Variants in IGF2BP1 observed in about 807,000 individuals in gnomAD.
IGF2BP1 encodes insulin-like growth factor 2 mRNA-binding protein 1.
Under a neutral mutation model 74.9 loss-of-function variants are expected in IGF2BP1, and 11 were observed. The observed-to-expected ratio is 0.15, with a 90% CI of 0.09 to 0.24. The LOEUF is 0.24. Among genes scored for constraint, IGF2BP1 ranks in the 10% least tolerant of loss-of-function variants. The pLI is 1.00. For synonymous variants in IGF2BP1, 287 were observed against 281.8 expected, an observed-to-expected ratio of 1.02 and a Z score of -0.18; for missense variants, 440 against 757.4, an observed-to-expected ratio of 0.58 and a Z score of 4.92.
chr17:49,011,500 C>T (rs185907424), intron 2 of IGF2BP1, among the ~76,000 whole-genome samples: 69 of 152,296 alleles, frequency 4.5e-4, no homozygotes, highest in African/African-American at 1.6e-3. Flanking sequence ...TAAGGTCACA[C>T]CTTCAATAAG....
Position 49,046,256 on chromosome 17 carries a change from C to T in IGF2BP1, c.1528-4C>T. The stretch of plus-strand genomic sequence containing the variant: ...ACCCTGAGCTCCTCTCTGGCCACCC[C>T]CAGGTGAACGAGTTGCAGAATTTGA... On this transcript the variant is annotated splice_polypyrimidine_tract_variant and splice_region_variant and intron_variant, in intron 13 of 14. Coordinates refer to ENST00000290341, the MANE Select transcript of IGF2BP1 (RefSeq NM_006546.4). The T allele has an allele frequency of 6.2e-7, 1 of 1,613,118 alleles. No individual in the cohort carries two copies. The highest frequency in any genetic ancestry group is 8.5e-7 in the Non-Finnish European group (1 of 1,179,056).
intron 12 of IGF2BP1, 81 bp downstream of exon 12, chr17:49,045,146 G>C: frequency 8.1e-7 from 1 of 1,241,764 alleles, no homozygotes; most frequent in Non-Finnish European, 1.2e-6. Context: ...AAAAGGCTGG[G>C]TCAGTTTCCC....
chr17:48,997,676 A>C lies in IGF2BP1; in HGVS notation c.-70A>C. 6.5e-7 allele frequency: 1 copy of C among 1,538,502 alleles called. No homozygotes were observed. Among genetic ancestry groups the C allele is most frequent in the East Asian group, 2.3e-5 (1 of 44,148 alleles). ...CGCCGGCCTCTCCGCCTCTTGGCCT[A>C]GGAGGCTCGCCGCCCGCGCCCGCTC... On this transcript the variant is annotated 5_prime_UTR_variant, in exon 1 of 15. Coordinates refer to ENST00000290341, the MANE Select transcript of IGF2BP1 (RefSeq NM_006546.4). The surrounding 1 kb of genome is among the most constrained non-coding windows in gnomAD (Gnocchi z 4.8).
chr17:49,018,252 C>CCAGAAA (rs2041733587), intron 2 of IGF2BP1, among the ~76,000 whole-genome samples: 1 of 152,146 alleles, frequency 6.6e-6, no homozygotes, highest in Admixed American at 6.6e-5. Context: ...TGGACCCTTA[C>CCAGAAA]CAGAAACCAC....
Position 48,997,482 on chromosome 17 carries a change from G to A in IGF2BP1, c.-264G>A. 1 of 333,358 alleles carries A rather than the reference G, an allele frequency of 3.0e-6. No homozygotes were observed. Among genetic ancestry groups the A allele is most frequent in the Non-Finnish European group, 5.5e-6 (1 of 182,384 alleles). The allele number at this position is 333,358 out of a possible 1,614,324, so 20.7% of individuals were successfully genotyped here. ...AGCCCTCTCGGAGGGGTTTCGGACCGAAGGGAAGAAGCTGCGCCGTGTCGT... is the reference window on the plus strand; with the variant it reads ...AGCCCTCTCGGAGGGGTTTCGGACCAAAGGGAAGAAGCTGCGCCGTGTCGT... On this transcript the variant is annotated 5_prime_UTR_variant, in exon 1 of 15. Transcript: ENST00000290341. The surrounding 1 kb of genome is among the most constrained non-coding windows in gnomAD (Gnocchi z 4.8).
At position 49,052,672 on chromosome 17, in the gene IGF2BP1, C is replaced by T. The variant is rs931207377; in HGVS notation, c.*3228C>T. 2 of 152,546 alleles carry T rather than the reference C, an allele frequency of 1.3e-5. No homozygotes were observed. Among genetic ancestry groups the T allele is most frequent in the South Asian group, 2.1e-4 (1 of 4,812 alleles). The allele number at this position is 152,546 out of a possible 1,614,324, so 9.4% of individuals were successfully genotyped here. ...TGGTGGGCCGGGCCCTCTTGTGCCC[C>T]GTAGGCTAGGTCTTAGGGCAACTCC... is the stretch of plus-strand genomic sequence containing the variant. On this transcript the variant is annotated 3_prime_UTR_variant, in exon 15 of 15. Coordinates refer to ENST00000290341, the MANE Select transcript of IGF2BP1 (RefSeq NM_006546.4).
At chr17:49,049,312 G>A (rs1351824723) in intron 14 of IGF2BP1, 40 bp from the exon 15 acceptor site, 2 of 1,575,730 alleles carry the variant, frequency 1.3e-6, no homozygotes, top group Admixed American at 3.4e-5. Flanking sequence ...CTGTCTCCTT[G>A]GAGGTCTCAC....
chr17:49,043,665 G>C (rs2042077803), intron 10 of IGF2BP1, 115 bp downstream of exon 10: 9 of 1,263,216 alleles, frequency 7.1e-6, no homozygotes, highest in African/African-American at 1.5e-5. Context: ...GAGAGGGAAG[G>C]AAGGTCTCAG....
Position 48,999,196 on chromosome 17 carries a change from G to T in IGF2BP1, c.236+27G>T, listed in dbSNP as rs758271269. ...TAGGAAAGAGCTCTTTTCGGGGGGG[G>T]TGGGGGGGCCGCGGGGGTGTGCTGT... is the stretch of plus-strand genomic sequence containing the variant. On this transcript the variant is annotated intron_variant, in intron 2 of 14. Transcript: ENST00000290341. The T allele has an allele frequency of 9.0e-6, 6 of 666,348 alleles. 1 individual carries two copies. The highest frequency in any genetic ancestry group is 1.5e-5 in the South Asian group (1 of 68,524). 41.3% of individuals were successfully genotyped at this position (666,348 alleles called of 1,614,324 possible).
chr17:49,025,853 C>CTTT lies in IGF2BP1; in HGVS notation c.285+188_285+190dup, dbSNP rs749731111. 1.7e-3 allele frequency among the ~76,000 whole-genome samples: 238 copies of CTTT among 140,384 alleles called. 3 individuals are homozygous for CTTT. The highest frequency in any genetic ancestry group is 6.2e-3 in the African/African-American group (223 of 35,766). The allele number at this position is 140,384 out of a possible 152,430, so 92.1% of individuals were successfully genotyped here. On this transcript the variant is annotated intron_variant, in intron 3 of 14. Coordinates refer to ENST00000290341, the MANE Select transcript of IGF2BP1 (RefSeq NM_006546.4). ...TTTCTTCTTTTTCTTTCTTTCTTTT[C>CTTT]TTTCTTTTTTTTTTTTTTTGAGATG...
At chr17:49,035,372 TGATGA>T (rs1960087481) in intron 5 of IGF2BP1, among the ~76,000 whole-genome samples, 1 of 152,230 alleles carries the variant, frequency 6.6e-6, no homozygotes, top group South Asian at 2.1e-4. Flanking sequence ...CCTTTACAGT[TGATGA>T]GACTTAGGTC....
Position 49,039,992 on chromosome 17 carries a change from C to G in IGF2BP1, c.719C>G (p.Ala240Gly), listed in dbSNP as rs750922996. 1 of 1,613,310 alleles carries G rather than the reference C, an allele frequency of 6.2e-7. No homozygotes were observed. The highest frequency in any genetic ancestry group is 1.7e-5 in the Admixed American group (1 of 60,016). ...CATAGGAAGGAGAACGCAGGTGCAG[C>G]TGAAAAAGCCATCAGTGTGCACTCC... ...DVHRKENAGA[A>G]EKAISVHSTP... The change falls in exon 7 of 15, where the codon GCT becomes GGT. Residue 240 changes from alanine to glycine, a missense_variant. Ala to Gly is a moderately conservative substitution (Grantham distance 60, BLOSUM62 0). Coordinates refer to ENST00000290341, the MANE Select transcript of IGF2BP1 (RefSeq NM_006546.4).
chr17:49,051,629 C>T lies in IGF2BP1; in HGVS notation c.*2185C>T, dbSNP rs890534496. ...AAAGAGCATCTCAGCCAGCTTTTCCCACCAGTGGTGCTGTTGAGATATTTT... is the reference window on the plus strand; with the variant it reads ...AAAGAGCATCTCAGCCAGCTTTTCCTACCAGTGGTGCTGTTGAGATATTTT... On this transcript the variant is annotated 3_prime_UTR_variant, in exon 15 of 15. Transcript: ENST00000290341. The T allele has an allele frequency of 2.0e-5, 3 of 152,212 alleles. No individual in the cohort carries two copies. Among genetic ancestry groups the T allele is most frequent in the African/African-American group, 7.2e-5 (3 of 41,442 alleles). 9.4% of individuals were successfully genotyped at this position (152,212 alleles called of 1,614,324 possible).
chr17:49,002,020 GTTAA>G (rs1259715551), intron 2 of IGF2BP1, among the ~76,000 whole-genome samples: 3 of 152,024 alleles, frequency 2.0e-5, no homozygotes, highest in African/African-American at 7.2e-5. Context: ...AGGTGTTACT[GTTAA>G]TTAAGAAAAA....
At position 49,041,372 on chromosome 17, in the gene IGF2BP1, C is replaced by G; in HGVS notation, c.819-6C>G. 1.2e-6 allele frequency: 2 copies of G among 1,613,854 alleles called. No homozygotes were observed. The highest frequency in any genetic ancestry group is 1.7e-6 in the Non-Finnish European group (2 of 1,179,932). ...TGTCTTCCACTTCTTCCTTTGTCTT[C>G]CCAAGGGCTGACGAGGTTCCCCTGA... On this transcript the variant is annotated splice_region_variant and splice_polypyrimidine_tract_variant and intron_variant, in intron 7 of 14. Coordinates refer to ENST00000290341, the MANE Select transcript of IGF2BP1 (RefSeq NM_006546.4).
chr17:49,046,431 CAG>C (rs2042108535), intron 14 of IGF2BP1, 58 bp downstream of exon 14: 1 of 1,302,816 alleles, frequency 7.7e-7, no homozygotes, highest in Non-Finnish European at 1.1e-6. Context: ...AGCAGAGAAG[CAG>C]AGACTCTATA....
At chr17:49,033,696 C>T (rs150781440) in intron 5 of IGF2BP1, among the ~76,000 whole-genome samples, 1,765 of 152,220 alleles carry the variant, frequency 0.012, 21 homozygotes, top group Non-Finnish European at 0.018. Flanking sequence ...GATGCTTGTG[C>T]CCTCCCTTCA....
chr17:49,039,078 A>G (rs1288802946), intron 6 of IGF2BP1, among the ~76,000 whole-genome samples: 7 of 151,838 alleles, frequency 4.6e-5, no homozygotes, highest in Admixed American at 3.3e-4. Context: ...GGGTTTCACC[A>G]TGTTGATCAG....
intron 6 of IGF2BP1, 127 bp from the exon 7 acceptor site, chr17:49,039,830 C>G: frequency 3.0e-6 from 3 of 998,444 alleles, no homozygotes; most frequent in Non-Finnish European, 1.5e-6. Flanking sequence ...CAAAGTTGTA[C>G]TTGATTGTCC....
Sources: allele counts gnomAD v4.1 joint callset (sites outside exome capture counted in the v4.1 genomes callset), GRCh38; gene constraint gnomAD v4.1.1; non-coding constraint Gnocchi (gnomAD v3.1); transcripts MANE v1.5; gene names NCBI Gene and HGNC (gene_info 2026-07-23, HGNC 2026-07-21).